The following GALNTL6 variants were observed in gnomAD, a reference collection of about 807,000 sequenced individuals.
GALNTL6 encodes polypeptide N-acetylgalactosaminyltransferase like 6.
In GALNTL6, 46 loss-of-function variants were observed where a neutral mutation model predicts 73.7. That is an observed-to-expected ratio of 0.62 (90% CI 0.49 to 0.80). GALNTL6 has a LOEUF of 0.80. Ranked by LOEUF, GALNTL6 falls within the 30% of genes least tolerant of loss-of-function variation. The pLI is 0.00. For synonymous variants in GALNTL6, 259 were observed against 263.7 expected (o/e 0.98, Z 0.17); for missense variants, 604 against 755.0 (o/e 0.80, Z 2.34).
At chr4:172,537,532 T>G (rs1424873892) in intron 5 of GALNTL6, among the ~76,000 whole-genome samples, 2 of 152,250 alleles carry the variant, frequency 1.3e-5, no homozygotes, top group Non-Finnish European at 2.9e-5. Flanking sequence ...CCCAGCCATG[T>G]AGAACTGTGA....
At chr4:172,848,262 C>T (rs1743620249) in intron 7 of GALNTL6, among the ~76,000 whole-genome samples, 1 of 152,156 alleles carries the variant, frequency 6.6e-6, no homozygotes, top group Non-Finnish European at 1.5e-5. Context: ...TTAAATGTCA[C>T]CTCCCTAGGG....
intron 7 of GALNTL6, among the ~76,000 whole-genome samples, chr4:172,820,076 T>C (rs1006129878): frequency 6.6e-6 from 1 of 152,376 alleles, no homozygotes; most frequent in South Asian, 2.1e-4. Flanking sequence ...ACAGATAGAC[T>C]TGTGCCTGCA....
intron 2 of GALNTL6, among the ~76,000 whole-genome samples, chr4:172,109,132 C>T (rs1182564219): frequency 6.6e-6 from 1 of 150,546 alleles, no homozygotes; most frequent in Non-Finnish European, 1.5e-5. Context: ...ATGAAATTCT[C>T]ATTGACTTTT....
intron 5 of GALNTL6, among the ~76,000 whole-genome samples, chr4:172,698,719 A>T (rs1733840008): frequency 6.6e-6 from 1 of 152,152 alleles, no homozygotes; most frequent in African/African-American, 2.4e-5. Context: ...GGTCGCTTGG[A>T]AGTCCAGTTT....
At chr4:172,188,198 A>G (rs1238855181) in intron 2 of GALNTL6, among the ~76,000 whole-genome samples, 2 of 152,242 alleles carry the variant, frequency 1.3e-5, no homozygotes, top group African/African-American at 2.4e-5. Flanking sequence ...CATAACGCAT[A>G]CAAATTCTAT....
intron 2 of GALNTL6, among the ~76,000 whole-genome samples, chr4:172,189,548 G>A (rs778505387): frequency 5.3e-5 from 8 of 152,054 alleles, no homozygotes; most frequent in Non-Finnish European, 1.2e-4. Flanking sequence ...ATTGTTCAAG[G>A]AGACTGAAGG....
rs754077169 is a variant in GALNTL6, at chr4:172,951,995, G to T, written c.1150-42G>T. 34 of 1,489,578 alleles carry T rather than the reference G, an allele frequency of 2.3e-5. No individual in the cohort carries two copies. The Admixed American group carries it at 6.7e-4, about 29-fold the overall frequency. 92.3% of individuals were successfully genotyped at this position (1,489,578 alleles called of 1,614,324 possible). ...GTGCAACAAAAAACACCTTTTGAAT[G>T]AATAAACCAATAAATGACATTTTTG... On this transcript the variant is annotated intron_variant, in intron 9 of 12. Coordinates refer to ENST00000506823, the MANE Select transcript of GALNTL6 (RefSeq NM_001034845.3).
intron 7 of GALNTL6, among the ~76,000 whole-genome samples, chr4:172,822,430 G>C (rs1305195765): frequency 6.6e-6 from 1 of 152,140 alleles, no homozygotes; most frequent in Non-Finnish European, 1.5e-5. Flanking sequence ...GTTCACTCTT[G>C]CATACCAGCC....
intron 3 of GALNTL6, among the ~76,000 whole-genome samples, chr4:172,296,018 G>C (rs1286035929): frequency 4.6e-5 from 7 of 152,058 alleles, no homozygotes; most frequent in Non-Finnish European, 1.0e-4. Flanking sequence ...CAGTTGAATA[G>C]AAGTATTGAT....
chr4:171,904,334 C>T (rs1032563750), intron 2 of GALNTL6, among the ~76,000 whole-genome samples: 9 of 151,782 alleles, frequency 5.9e-5, no homozygotes, highest in African/African-American at 2.2e-4. Context: ...GGCTCGAGAA[C>T]TACATGAAGA....
At chr4:171,949,476 A>C (rs183986264) in intron 2 of GALNTL6, among the ~76,000 whole-genome samples, 3 of 152,296 alleles carry the variant, frequency 2.0e-5, no homozygotes, top group Admixed American at 6.5e-5. Flanking sequence ...TTTTTTGATT[A>C]TGCTTAACAA....
At chr4:171,836,598 T>G (rs1052690574) in intron 2 of GALNTL6, among the ~76,000 whole-genome samples, 2 of 152,140 alleles carry the variant, frequency 1.3e-5, no homozygotes, top group East Asian at 1.9e-4. Context: ...ATGATATGAT[T>G]GTATTATTAA....
At position 173,022,078 on chromosome 4, in the gene GALNTL6, GGAAGGAAGGAAA is replaced by G. The variant is rs1448967591; in HGVS notation, c.1638+465_1638+476del. 5.1e-4 allele frequency among the ~76,000 whole-genome samples: 41 copies of G among 80,234 alleles called. 2 individuals carry two copies. The highest frequency in any genetic ancestry group is 1.6e-3 in the African/African-American group (35 of 22,098). The allele number at this position is 80,234 out of a possible 152,430, so 52.6% of individuals were successfully genotyped here. ...AGGAAGGAAGGAAGGAAGGAAGGAA[GGAAGGAAGGAAA>G]GAAGGAAGGAAGGAAGGAAAGAAGG... On this transcript the variant is annotated intron_variant, in intron 12 of 12. Coordinates refer to ENST00000506823, the MANE Select transcript of GALNTL6 (RefSeq NM_001034845.3).
intron 2 of GALNTL6, among the ~76,000 whole-genome samples, chr4:172,227,542 T>A (rs1284020284): frequency 6.6e-6 from 1 of 152,134 alleles, no homozygotes; most frequent in African/African-American, 2.4e-5. Context: ...TGGTCAATCT[T>A]TATCTTTTCA....
chr4:172,826,250 A>G (rs1375957932), intron 7 of GALNTL6, among the ~76,000 whole-genome samples: 1 of 152,208 alleles, frequency 6.6e-6, no homozygotes, highest in Non-Finnish European at 1.5e-5. Context: ...TGATCAATAT[A>G]CCTTCAAAAC....
chr4:172,773,978 GAAAA>G (rs34044056), intron 5 of GALNTL6, among the ~76,000 whole-genome samples: 1 of 149,960 alleles, frequency 6.7e-6, no homozygotes, highest in Admixed American at 6.6e-5. Flanking sequence ...AGACTTAAGG[GAAAA>G]AAAAAAGAGG....
At chr4:172,421,018 G>A (rs1731038928) in intron 5 of GALNTL6, among the ~76,000 whole-genome samples, 1 of 152,052 alleles carries the variant, frequency 6.6e-6, no homozygotes, top group Non-Finnish European at 1.5e-5. Flanking sequence ...TTGGGGGCAA[G>A]GGGAGAGAGA....
At chr4:172,515,997 T>C (rs780967327) in intron 5 of GALNTL6, among the ~76,000 whole-genome samples, 1 of 152,212 alleles carries the variant, frequency 6.6e-6, no homozygotes, top group Non-Finnish European at 1.5e-5. Flanking sequence ...TCTATCTTTA[T>C]ATGTTACATT....
chr4:172,399,978 A>T (rs939440174), intron 5 of GALNTL6, among the ~76,000 whole-genome samples: 1 of 152,194 alleles, frequency 6.6e-6, no homozygotes, highest in East Asian at 1.9e-4. Context: ...TCTCAGACAT[A>T]CAAGCATAAA....
Sources: allele counts gnomAD v4.1 joint callset (sites outside exome capture counted in the v4.1 genomes callset), GRCh38; gene constraint gnomAD v4.1.1; transcripts MANE v1.5; gene names NCBI Gene and HGNC (gene_info 2026-07-23, HGNC 2026-07-21).